FBXL17: variants seen among roughly 807,000 people sequenced by gnomAD.
FBXL17 encodes the protein F-box/LRR-repeat protein 17.
Under a neutral mutation model 66.2 loss-of-function variants are expected in FBXL17, and 22 were observed. The ratio of observed to expected loss-of-function variants is 0.33; its 90% CI spans 0.24 to 0.47. The LOEUF (loss-of-function observed/expected upper bound fraction) is 0.47. Ranked by LOEUF, FBXL17 falls within the 20% of genes least tolerant of loss-of-function variation. The pLI, the probability that FBXL17 is intolerant of heterozygous loss-of-function variation, is 1.00. For missense variants in FBXL17, 878 were observed against 948.2 expected, an observed-to-expected ratio of 0.93 and a Z score of 0.97; for synonymous variants, 474 against 400.5, an observed-to-expected ratio of 1.18 and a Z score of -2.19.
intron 7 of FBXL17, among the ~76,000 whole-genome samples, chr5:107,978,208 T>C (rs1439623648): frequency 6.6e-6 from 1 of 152,184 alleles, no homozygotes; most frequent in Non-Finnish European, 1.5e-5. Context: ...ATCTTGCTTC[T>C]AGCCACACAC....
chr5:108,353,185 T>C (rs1232486236), intron 3 of FBXL17, among the ~76,000 whole-genome samples: 2 of 152,200 alleles, frequency 1.3e-5, no homozygotes, highest in African/African-American at 4.8e-5. Flanking sequence ...CTGATCACAC[T>C]GAAAAATTAA....
intron 8 of FBXL17, chr5:107,880,768 GC>G: frequency 7.6e-7 from 1 of 1,310,896 alleles, no homozygotes; most frequent in South Asian, 2.8e-5. Context: ...TGAATAGGAT[GC>G]CAAACTCTAG....
chr5:107,952,007 A>G (rs976563447), intron 7 of FBXL17, among the ~76,000 whole-genome samples: 3 of 152,232 alleles, frequency 2.0e-5, no homozygotes, highest in East Asian at 3.8e-4. Flanking sequence ...ATAAGAATAA[A>G]TGATAATCTG....
In FBXL17 at chr5:108,335,119, T is replaced by C. The variant is rs147611093; in HGVS notation, c.1506+13280A>G. Among the ~76,000 whole-genome samples, 531 of 152,182 alleles carry C rather than the reference T, an allele frequency of 3.5e-3. 4 individuals are homozygous for C. The highest frequency in any genetic ancestry group is 0.012 in the African/African-American group (508 of 41,534). On this transcript the variant is annotated intron_variant, in intron 4 of 8. Transcript: ENST00000542267. ...AGTACTAGTTTTTAGATGTTAGAAA[T>C]TAGAAAAATCAGATCAAATATTTTG...
At chr5:108,125,362 C>A (rs958454887) in intron 6 of FBXL17, among the ~76,000 whole-genome samples, 1 of 151,750 alleles carries the variant, frequency 6.6e-6, no homozygotes, top group Non-Finnish European at 1.5e-5. Context: ...TTGTACTATA[C>A]AGAAAGATGA....
intron 7 of FBXL17, among the ~76,000 whole-genome samples, chr5:108,020,087 G>A (rs1754531302): frequency 1.3e-5 from 2 of 151,870 alleles, no homozygotes; most frequent in South Asian, 4.1e-4. Flanking sequence ...ATTATTATAT[G>A]TCAGAGCTAA....
intron 7 of FBXL17, among the ~76,000 whole-genome samples, chr5:108,017,924 T>A (rs553799674): frequency 6.6e-6 from 1 of 152,274 alleles, no homozygotes; most frequent in African/African-American, 2.4e-5. Flanking sequence ...AACATAACTC[T>A]GTAACAGCCT....
intron 7 of FBXL17, among the ~76,000 whole-genome samples, chr5:107,973,221 C>G (rs1752440596): frequency 6.6e-6 from 1 of 152,134 alleles, no homozygotes; most frequent in Non-Finnish European, 1.5e-5. Flanking sequence ...GCAAAGCTAG[C>G]CTTTTCAGCC....
chr5:107,902,028 A>G (rs1749582661), intron 7 of FBXL17, among the ~76,000 whole-genome samples: 1 of 152,212 alleles, frequency 6.6e-6, no homozygotes, highest in Non-Finnish European at 1.5e-5. Flanking sequence ...TTTAACTGCT[A>G]GCAACCAAAA....
intron 4 of FBXL17, among the ~76,000 whole-genome samples, chr5:108,250,072 T>C (rs1756277208): frequency 6.6e-6 from 1 of 152,174 alleles, no homozygotes; most frequent in Non-Finnish European, 1.5e-5. Flanking sequence ...TTAAGATGTT[T>C]AAAAGCCAGG....
chr5:108,324,608 A>G (rs919161556), intron 4 of FBXL17, among the ~76,000 whole-genome samples: 3 of 152,098 alleles, frequency 2.0e-5, no homozygotes, highest in African/African-American at 7.2e-5. Flanking sequence ...AAGAACTGAA[A>G]GAAGGGTCTC....
intron 6 of FBXL17, among the ~76,000 whole-genome samples, chr5:108,120,356 T>A (rs1750436885): frequency 6.6e-6 from 1 of 152,188 alleles, no homozygotes; most frequent in Middle Eastern, 3.2e-3. Flanking sequence ...GTTTGACCAT[T>A]ATATAACTAA....
Position 108,249,866 on chromosome 5 carries a change from A to G in FBXL17, c.1507-25638T>C, listed in dbSNP as rs556244570. Among the ~76,000 whole-genome samples, 5 of 152,270 alleles carry G rather than the reference A, an allele frequency of 3.3e-5. No homozygotes were observed. In the East Asian group the frequency reaches 9.6e-4, roughly 29 times the overall value. ...TCCTGCTGAGGGCTACCACATTAGGACAGAGAAAGAACTCCTCTTCCCTTT... is the reference window on the plus strand; with the variant it reads ...TCCTGCTGAGGGCTACCACATTAGGGCAGAGAAAGAACTCCTCTTCCCTTT... On this transcript the variant is annotated intron_variant, in intron 4 of 8. Transcript: ENST00000542267.
At chr5:107,883,488 G>A (rs1748863259) in intron 7 of FBXL17, among the ~76,000 whole-genome samples, 1 of 151,934 alleles carries the variant, frequency 6.6e-6, no homozygotes, top group African/African-American at 2.4e-5. Context: ...GGTGCGACGT[G>A]GGGTAGAAAT....
chr5:108,195,509 G>C (rs1753643949), intron 5 of FBXL17, among the ~76,000 whole-genome samples: 2 of 152,178 alleles, frequency 1.3e-5, no homozygotes, highest in African/African-American at 4.8e-5. Flanking sequence ...AAGAAGGACA[G>C]ATCACATAGG....
At chr5:108,379,984 T>C (rs1749727872) in intron 1 of FBXL17, among the ~76,000 whole-genome samples, 1 of 152,126 alleles carries the variant, frequency 6.6e-6, no homozygotes, top group Non-Finnish European at 1.5e-5. Flanking sequence ...AGTCAGGTGG[T>C]CTTAAATTCC....
chr5:108,303,067 C>T (rs773304849), intron 4 of FBXL17, among the ~76,000 whole-genome samples: 14 of 151,692 alleles, frequency 9.2e-5, no homozygotes, highest in Non-Finnish European at 1.9e-4. Context: ...GTGTTCACAA[C>T]AAACATTACA....
At chr5:108,223,739 T>G (rs969022533) in intron 5 of FBXL17, among the ~76,000 whole-genome samples, 1 of 152,184 alleles carries the variant, frequency 6.6e-6, no homozygotes. Context: ...ATATTCAGCT[T>G]GATAATATGC....
intron 4 of FBXL17, among the ~76,000 whole-genome samples, chr5:108,339,651 A>C (rs1022975229): frequency 6.6e-6 from 1 of 152,178 alleles, no homozygotes; most frequent in Non-Finnish European, 1.5e-5. Context: ...AATTACACTA[A>C]AAATAATCTA....
Sources: allele counts gnomAD v4.1 joint callset (sites outside exome capture counted in the v4.1 genomes callset), GRCh38; gene constraint gnomAD v4.1.1; transcripts MANE v1.5; gene names NCBI Gene and HGNC (gene_info 2026-07-23, HGNC 2026-07-21).